Variants in SLC25A21 observed in about 807,000 individuals in gnomAD.
SLC25A21 encodes mitochondrial 2-oxodicarboxylate carrier.
SLC25A21 carries 47 observed loss-of-function variants against 43.8 expected under a neutral mutation model. The observed-to-expected ratio is 1.07, with a 90% confidence interval of 0.85 to 1.37. The LOEUF is 1.37. Among genes scored for constraint, SLC25A21 ranks in the 40% most tolerant of loss-of-function variants. The probability of loss-of-function intolerance (pLI) is 0.00; values close to 1 mark genes in which losing one functional copy is unlikely to be tolerated. For synonymous variants in SLC25A21, 131 were observed against 121.3 expected, an observed-to-expected ratio of 1.08 and a Z score of -0.52; for missense variants, 352 against 350.2, an observed-to-expected ratio of 1.00 and a Z score of -0.04.
At chr14:36,738,577 G>A (rs559168751) in intron 3 of SLC25A21, among the ~76,000 whole-genome samples, 2 of 152,282 alleles carry the variant, frequency 1.3e-5, no homozygotes, top group South Asian at 4.1e-4. Context: ...TCTTCTCTCC[G>A]ACATGACGGC....
chr14:36,993,205 C>T (rs1960301657), intron 1 of SLC25A21, among the ~76,000 whole-genome samples: 1 of 152,116 alleles, frequency 6.6e-6, no homozygotes, highest in Non-Finnish European at 1.5e-5. Context: ...AACCCAGTGT[C>T]GAGTGTGTCC....
intron 3 of SLC25A21, among the ~76,000 whole-genome samples, chr14:36,761,135 G>A (rs759799217): frequency 2.4e-4 from 36 of 152,068 alleles, no homozygotes; most frequent in Non-Finnish European, 4.7e-4. Context: ...CCATTCTCTC[G>A]TGAAAGGTTA....
chr14:36,740,919 G>A (rs1216957118), intron 3 of SLC25A21, among the ~76,000 whole-genome samples: 1 of 152,092 alleles, frequency 6.6e-6, no homozygotes, highest in Non-Finnish European at 1.5e-5. Context: ...TAAACATTGT[G>A]TACCTGATAT....
At chr14:37,044,609 TG>T (rs1429408273) in intron 1 of SLC25A21, among the ~76,000 whole-genome samples, 1 of 152,234 alleles carries the variant, frequency 6.6e-6, no homozygotes, top group African/African-American at 2.4e-5. Context: ...ATAAAGTGAT[TG>T]ATCATTCTCT....
chr14:36,736,822 C>G (rs1369591654), intron 3 of SLC25A21, among the ~76,000 whole-genome samples: 2 of 152,196 alleles, frequency 1.3e-5, no homozygotes, highest in African/African-American at 4.8e-5. Flanking sequence ...TAAGGAAAGA[C>G]ATTACACTTT....
At chr14:36,853,756 A>C (rs536445361) in intron 2 of SLC25A21, among the ~76,000 whole-genome samples, 1 of 152,244 alleles carries the variant, frequency 6.6e-6, no homozygotes, top group African/African-American at 2.4e-5. Context: ...TAATGGTCTG[A>C]CCCCTGGGAC....
chr14:36,986,843 T>C (rs1266815238), intron 1 of SLC25A21, among the ~76,000 whole-genome samples: 2 of 152,200 alleles, frequency 1.3e-5, no homozygotes, highest in East Asian at 3.8e-4. Flanking sequence ...GCTTTGAATA[T>C]TGGGTTTATG....
intron 1 of SLC25A21, 142 bp downstream of exon 1, chr14:37,172,139 G>C (rs541364820): frequency 1.2e-6 from 1 of 856,136 alleles, no homozygotes; most frequent in Non-Finnish European, 1.8e-6. Flanking sequence ...GCGCCTCTAG[G>C]GGCTCAAGCA....
chr14:37,006,021 A>C (rs1960595701), intron 1 of SLC25A21, among the ~76,000 whole-genome samples: 1 of 152,212 alleles, frequency 6.6e-6, no homozygotes, highest in African/African-American at 2.4e-5. Flanking sequence ...TTTATGCCTA[A>C]TAAAGATGGT....
At chr14:36,866,278 C>T (rs1566688490) in intron 2 of SLC25A21, among the ~76,000 whole-genome samples, 3 of 152,130 alleles carry the variant, frequency 2.0e-5, no homozygotes, top group African/African-American at 7.2e-5. Flanking sequence ...CTTTGGGGCA[C>T]TTTTAAAAAG....
chr14:36,709,364 T>C (rs2144315), intron 7 of SLC25A21, among the ~76,000 whole-genome samples: 1 of 152,032 alleles, frequency 6.6e-6, no homozygotes, highest in Non-Finnish European at 1.5e-5. Flanking sequence ...TTTGCATTCT[T>C]TTCTGGGCCT....
At chr14:36,868,720 T>A (rs1462186451) in intron 2 of SLC25A21, among the ~76,000 whole-genome samples, 1 of 152,242 alleles carries the variant, frequency 6.6e-6, no homozygotes, top group Non-Finnish European at 1.5e-5. Context: ...CCCATTCTGC[T>A]TATCTTCAAA....
chr14:36,827,175 T>C (rs1484111647), intron 2 of SLC25A21, among the ~76,000 whole-genome samples: 1 of 152,236 alleles, frequency 6.6e-6, no homozygotes. Context: ...GGTATGTGTC[T>C]GTTATTTAGA....
At chr14:37,058,302 T>C (rs935128286) in intron 1 of SLC25A21, among the ~76,000 whole-genome samples, 2 of 152,240 alleles carry the variant, frequency 1.3e-5, no homozygotes, top group Admixed American at 6.5e-5. Context: ...ACCATTAGGA[T>C]GATCCTCACT....
chr14:36,838,229 T>C (rs913943348), intron 2 of SLC25A21, among the ~76,000 whole-genome samples: 1 of 152,172 alleles, frequency 6.6e-6, no homozygotes, highest in Non-Finnish European at 1.5e-5. Context: ...GGCTTGCTGA[T>C]ATGGAGTTCA....
chr14:36,715,961 C>T (rs6571759), intron 6 of SLC25A21, among the ~76,000 whole-genome samples: 27 of 151,838 alleles, frequency 1.8e-4, no homozygotes, highest in Non-Finnish European at 3.1e-4. Flanking sequence ...CATGGTGGTG[C>T]GGGCCTGTAG....
chr14:37,019,491 C>A (rs759934822), intron 1 of SLC25A21, among the ~76,000 whole-genome samples: 1 of 151,718 alleles, frequency 6.6e-6, no homozygotes, highest in African/African-American at 2.4e-5. Flanking sequence ...TCTGGAAGTT[C>A]TATGCAACAT....
chr14:36,950,885 T>C (rs1892793534), intron 1 of SLC25A21, among the ~76,000 whole-genome samples: 2 of 152,200 alleles, frequency 1.3e-5, no homozygotes. Context: ...CTGGACCTCT[T>C]ACCTCTCTCT....
At chr14:36,947,531 A>G (rs1892705162) in intron 1 of SLC25A21, among the ~76,000 whole-genome samples, 1 of 152,122 alleles carries the variant, frequency 6.6e-6, no homozygotes, top group African/African-American at 2.4e-5. Flanking sequence ...TTGCTCCACA[A>G]ACACAGAGCT....
Sources: allele counts gnomAD v4.1 joint callset (sites outside exome capture counted in the v4.1 genomes callset), GRCh38; gene constraint gnomAD v4.1.1; transcripts MANE v1.5; gene names NCBI Gene and HGNC (gene_info 2026-07-23, HGNC 2026-07-21).